MCPH1: variants seen among roughly 807,000 people sequenced by gnomAD.
MCPH1 encodes microcephalin.
Under a neutral mutation model 84.5 loss-of-function variants are expected in MCPH1, and 104 were observed. The observed-to-expected ratio is 1.23, with a 90% CI of 1.05 to 1.45. The LOEUF is 1.45. Among genes scored for constraint, MCPH1 ranks in the 40% most tolerant of loss-of-function variants. The probability of loss-of-function intolerance (pLI) is 0.00; values close to 1 mark genes in which losing one functional copy is unlikely to be tolerated. For missense variants in MCPH1, 1,498 were observed against 1,005.7 expected (o/e 1.49, Z -6.62); for synonymous variants, 514 against 366.8 (o/e 1.40, Z -4.58).
At chr8:6,575,268 G>A (rs73509235) in intron 12 of MCPH1, among the ~76,000 whole-genome samples, 9,431 of 152,238 alleles carry the variant, frequency 0.062, 800 homozygotes, top group African/African-American at 0.19. Flanking sequence ...TATGAAACAG[G>A]TGAAGAAGAA....
intron 13 of MCPH1, chr8:6,626,482 T>TG (rs1832093403): frequency 1.0e-5 from 10 of 983,616 alleles, no homozygotes; most frequent in South Asian, 9.4e-5. Context: ...TTGTTTTTTT[T>TG]TTTTTTTTTG....
intron 9 of MCPH1, among the ~76,000 whole-genome samples, chr8:6,475,918 T>G (rs1234474024): frequency 6.6e-6 from 1 of 151,404 alleles, no homozygotes; most frequent in African/African-American, 2.4e-5. Flanking sequence ...AAAGAGGAGG[T>G]GTATAAGGCA....
intron 12 of MCPH1, among the ~76,000 whole-genome samples, chr8:6,605,292 C>T (rs1323799862): frequency 2.6e-5 from 4 of 152,180 alleles, no homozygotes; most frequent in African/African-American, 9.7e-5. Flanking sequence ...TTCTCTCCTC[C>T]CTGCCTGTAC....
In MCPH1 at chr8:6,646,350, G is replaced by C. The variant is rs1007602822; in HGVS notation, c.*3301G>C. ...CTGAAGCAGAATAGCTTGAACCCAA[G>C]AGAGTCCAGCTCAAAAACAACAACA... On this transcript the variant is annotated 3_prime_UTR_variant, in exon 14 of 14. Transcript: ENST00000344683. 4.6e-5 allele frequency: 7 copies of C among 152,190 alleles called. No homozygotes were observed. The highest frequency in any genetic ancestry group is 1.4e-4 in the African/African-American group (6 of 41,446). The allele number at this position is 152,190 out of a possible 1,614,324, so 9.4% of individuals were successfully genotyped here.
chr8:6,558,214 T>G (rs1277370126), intron 12 of MCPH1, among the ~76,000 whole-genome samples: 1 of 152,200 alleles, frequency 6.6e-6, no homozygotes, highest in Non-Finnish European at 1.5e-5. Context: ...TTTGGCATTT[T>G]AAATAAAGGG....
At chr8:6,626,612 T>C in intron 13 of MCPH1, 1 of 984,660 alleles carries the variant, frequency 1.0e-6, no homozygotes, top group Non-Finnish European at 1.2e-6. Context: ...TGATAATACA[T>C]ATTATATTTG....
chr8:6,543,966 A>T (rs760290405), intron 12 of MCPH1, among the ~76,000 whole-genome samples: 4 of 152,226 alleles, frequency 2.6e-5, no homozygotes, highest in African/African-American at 4.8e-5. Flanking sequence ...TAATCTTTAA[A>T]GTTGCAATAT....
At chr8:6,600,621 A>T (rs191585792) in intron 12 of MCPH1, among the ~76,000 whole-genome samples, 2 of 152,360 alleles carry the variant, frequency 1.3e-5, no homozygotes, top group African/African-American at 4.8e-5. Flanking sequence ...ACATGTGACA[A>T]GAGAAAAACC....
intron 12 of MCPH1, among the ~76,000 whole-genome samples, chr8:6,585,047 A>G (rs138853753): frequency 6.6e-6 from 1 of 152,298 alleles, no homozygotes; most frequent in East Asian, 1.9e-4. Flanking sequence ...AGTGAGTTGT[A>G]TTTTCTAAGT....
At chr8:6,559,103 G>A (rs1825104346) in intron 12 of MCPH1, among the ~76,000 whole-genome samples, 1 of 152,090 alleles carries the variant, frequency 6.6e-6, no homozygotes, top group South Asian at 2.1e-4. Flanking sequence ...CTCCGCAGGA[G>A]GACCACGGGA....
chr8:6,620,011 T>C (rs1042385217), intron 12 of MCPH1: 1 of 152,260 alleles, frequency 6.6e-6, no homozygotes, highest in Admixed American at 6.5e-5. Flanking sequence ...TTTCTTGCAG[T>C]GTGACTCACC....
intron 2 of MCPH1, among the ~76,000 whole-genome samples, chr8:6,411,476 G>C (rs1798529713): frequency 6.6e-6 from 1 of 152,222 alleles, no homozygotes; most frequent in East Asian, 1.9e-4. Flanking sequence ...AGATATGCCA[G>C]AGAAGCCTTA....
At chr8:6,608,828 C>T (rs569279348) in intron 12 of MCPH1, among the ~76,000 whole-genome samples, 11 of 152,318 alleles carry the variant, frequency 7.2e-5, no homozygotes, top group African/African-American at 2.6e-4. Context: ...ATTAGCTTCA[C>T]CTAGGGAGCT....
rs890427233 is a variant in MCPH1, at chr8:6,626,727, C to G, written c.2452+5036C>G. The G allele has an allele frequency of 4.1e-6, 4 of 985,156 alleles. No homozygotes were observed. The African/African-American group carries it at 5.2e-5, about 13-fold the overall frequency. The allele number at this position is 985,156 out of a possible 1,614,324, so 61.0% of individuals were successfully genotyped here. A position where few individuals can be genotyped will look rare whatever the true frequency, so the allele number is the denominator to read the frequency against. ...GACCCTGGGGTCTGAAGGAACTTGG[C>G]TGGGGTGAGGATCACAAGCCCTTGG... On this transcript the variant is annotated intron_variant, in intron 13 of 13. Transcript: ENST00000344683.
In MCPH1 at chr8:6,621,103, C is replaced by T. The variant is rs569871619; in HGVS notation, c.2215-351C>T. On this transcript the variant is annotated intron_variant, in intron 12 of 13. Coordinates refer to ENST00000344683, the MANE Select transcript of MCPH1 (RefSeq NM_024596.5). ...TTAGAATCTTGCCGTCACTTGCACACGTCACCAAGTTACTTTAGTGAGAGT... is the reference window on the plus strand; with the variant it reads ...TTAGAATCTTGCCGTCACTTGCACATGTCACCAAGTTACTTTAGTGAGAGT... 18 of 360,284 alleles carry T rather than the reference C, an allele frequency of 5.0e-5. No individual in the cohort carries two copies. In the East Asian group the frequency reaches 7.3e-4, roughly 15 times the overall value. 22.3% of individuals were successfully genotyped at this position (360,284 alleles called of 1,614,324 possible).
intron 3 of MCPH1, among the ~76,000 whole-genome samples, chr8:6,422,685 A>C (rs140545109): frequency 3.7e-4 from 56 of 152,214 alleles, no homozygotes; most frequent in African/African-American, 1.2e-3. Flanking sequence ...ATCCAAAAGC[A>C]AAGTTTTCTT....
At chr8:6,581,105 A>T (rs1827533474) in intron 12 of MCPH1, among the ~76,000 whole-genome samples, 1 of 152,180 alleles carries the variant, frequency 6.6e-6, no homozygotes, top group Admixed American at 6.5e-5. Flanking sequence ...ATATGCAAAT[A>T]CTCCATTTTA....
intron 12 of MCPH1, among the ~76,000 whole-genome samples, chr8:6,559,986 G>A (rs1028100863): frequency 2.6e-5 from 4 of 152,320 alleles, no homozygotes; most frequent in South Asian, 4.1e-4. Flanking sequence ...AAGGGGCAGC[G>A]TGGGACCTTT....
At chr8:6,551,968 A>C (rs1180476100) in intron 12 of MCPH1, among the ~76,000 whole-genome samples, 2 of 152,250 alleles carry the variant, frequency 1.3e-5, no homozygotes, top group Non-Finnish European at 2.9e-5. Flanking sequence ...CTAATACTTC[A>C]ACTATCTTCA....
Sources: allele counts gnomAD v4.1 joint callset (sites outside exome capture counted in the v4.1 genomes callset), GRCh38; gene constraint gnomAD v4.1.1; transcripts MANE v1.5; gene names NCBI Gene and HGNC (gene_info 2026-07-23, HGNC 2026-07-21).